The following GPC6 variants were observed in gnomAD, a reference collection of about 807,000 sequenced individuals.
The protein encoded by GPC6 is glypican 6.
Under a neutral mutation model 55.2 loss-of-function variants are expected in GPC6, and 14 were observed. That is an observed-to-expected ratio of 0.25 (90% CI 0.17 to 0.40). GPC6 has a LOEUF of 0.40. Ranked by LOEUF, GPC6 falls within the 10% of genes least tolerant of loss-of-function variation. The probability of loss-of-function intolerance (pLI) is 1.00; values close to 1 mark genes in which losing one functional copy is unlikely to be tolerated. For synonymous variants in GPC6, 278 were observed against 259.6 expected, an observed-to-expected ratio of 1.07 and a Z score of -0.68; for missense variants, 641 against 708.5, an observed-to-expected ratio of 0.90 and a Z score of 1.08.
intron 2 of GPC6, among the ~76,000 whole-genome samples, chr13:93,597,605 C>T (rs1877818980): frequency 6.6e-6 from 1 of 152,126 alleles, no homozygotes; most frequent in African/African-American, 2.4e-5. Context: ...ACCGCAAGAC[C>T]AACCCCCTCT....
intron 1 of GPC6, among the ~76,000 whole-genome samples, chr13:93,415,727 C>T (rs868357539): frequency 1.3e-5 from 2 of 152,066 alleles, no homozygotes; most frequent in African/African-American, 4.8e-5. Flanking sequence ...TTTTAATTTA[C>T]ATTTATTTGA....
intron 4 of GPC6, among the ~76,000 whole-genome samples, chr13:94,131,986 C>G (rs1887019464): frequency 6.6e-6 from 1 of 152,144 alleles, no homozygotes; most frequent in Non-Finnish European, 1.5e-5. Flanking sequence ...ACAGATTTCT[C>G]AGACACTTCA....
intron 3 of GPC6, among the ~76,000 whole-genome samples, chr13:93,971,394 A>G (rs1437893157): frequency 6.6e-6 from 1 of 152,214 alleles, no homozygotes; most frequent in East Asian, 1.9e-4. Flanking sequence ...TCCCTGAAAA[A>G]CCATAGTCTA....
intron 2 of GPC6, among the ~76,000 whole-genome samples, chr13:93,604,985 C>A (rs1244791578): frequency 6.6e-6 from 1 of 152,150 alleles, no homozygotes; most frequent in Admixed American, 6.5e-5. Flanking sequence ...TGAACCCTGG[C>A]TTTACTACCT....
chr13:94,293,507 G>A (rs1392682533), intron 5 of GPC6, among the ~76,000 whole-genome samples: 1 of 152,172 alleles, frequency 6.6e-6, no homozygotes, highest in Non-Finnish European at 1.5e-5. Flanking sequence ...GGAACTGTGA[G>A]TCAATTAAAC....
At chr13:93,496,050 A>G (rs1210116409) in intron 1 of GPC6, among the ~76,000 whole-genome samples, 3 of 151,942 alleles carry the variant, frequency 2.0e-5, no homozygotes, top group Non-Finnish European at 4.4e-5. Flanking sequence ...GGTGGGCTCC[A>G]CCCAGTTGGA....
chr13:94,232,470 GT>G (rs1890758694), intron 4 of GPC6, among the ~76,000 whole-genome samples: 1 of 150,962 alleles, frequency 6.6e-6, no homozygotes, highest in Admixed American at 6.6e-5. Flanking sequence ...TATACAACTT[GT>G]TTAAATAGAG....
intron 4 of GPC6, among the ~76,000 whole-genome samples, chr13:94,209,891 G>C (rs1271267058): frequency 2.6e-5 from 4 of 151,946 alleles, no homozygotes; most frequent in Non-Finnish European, 5.9e-5. Context: ...TGTCAACCAG[G>C]CTGGAATGCA....
At chr13:93,966,662 T>TTTC (rs1187600118) in intron 3 of GPC6, among the ~76,000 whole-genome samples, 1 of 147,248 alleles carries the variant, frequency 6.8e-6, no homozygotes, top group African/African-American at 2.5e-5. Context: ...TTTTTTTTTT[T>TTTC]TTTTTTTTGA....
chr13:93,899,149 A>G (rs1292693795), intron 3 of GPC6, among the ~76,000 whole-genome samples: 1 of 151,664 alleles, frequency 6.6e-6, no homozygotes, highest in Non-Finnish European at 1.5e-5. Flanking sequence ...TTATTCGGCC[A>G]TTTAATCATT....
At chr13:94,334,785 G>A (rs1877598915) in intron 6 of GPC6, among the ~76,000 whole-genome samples, 1 of 152,210 alleles carries the variant, frequency 6.6e-6, no homozygotes, top group Non-Finnish European at 1.5e-5. Context: ...ATGTTCTAGA[G>A]CCAGCCCTGG....
intron 1 of GPC6, among the ~76,000 whole-genome samples, chr13:93,413,211 T>G (rs1376746173): frequency 6.6e-6 from 1 of 152,204 alleles, no homozygotes; most frequent in African/African-American, 2.4e-5. Flanking sequence ...GTGTTTCTCT[T>G]TACACTTATG....
At chr13:93,459,224 A>ATTTTTT (rs1878590132) in intron 1 of GPC6, among the ~76,000 whole-genome samples, 1 of 152,124 alleles carries the variant, frequency 6.6e-6, no homozygotes, top group Non-Finnish European at 1.5e-5. Flanking sequence ...ACACCCAGCC[A>ATTTTTT]ATTTTATATT....
At chr13:94,137,974 A>G (rs1196661351) in intron 4 of GPC6, among the ~76,000 whole-genome samples, 2 of 152,224 alleles carry the variant, frequency 1.3e-5, no homozygotes, top group Non-Finnish European at 2.9e-5. Context: ...AAATACTTTC[A>G]TTTAAAAACA....
At chr13:93,732,625 G>A (rs1038959917) in intron 2 of GPC6, among the ~76,000 whole-genome samples, 2 of 152,050 alleles carry the variant, frequency 1.3e-5, no homozygotes, top group Non-Finnish European at 2.9e-5. Flanking sequence ...ACTTATTAAA[G>A]GCATAAGTAG....
chr13:93,290,558 C>T (rs72635689), intron 1 of GPC6, among the ~76,000 whole-genome samples: 2,482 of 152,162 alleles, frequency 0.016, 34 homozygotes, highest in Non-Finnish European at 0.026. Context: ...TTTGATGTAT[C>T]TGATTTTCAA....
chr13:93,998,328 T>C (rs1390023656), intron 3 of GPC6, among the ~76,000 whole-genome samples: 1 of 152,222 alleles, frequency 6.6e-6, no homozygotes, highest in African/African-American at 2.4e-5. Context: ...TTTTTATTAA[T>C]GGCCATCTTT....
intron 1 of GPC6, among the ~76,000 whole-genome samples, chr13:93,350,955 A>G (rs769904942): frequency 6.6e-6 from 1 of 152,142 alleles, no homozygotes; most frequent in African/African-American, 2.4e-5. Flanking sequence ...AAATTCACAG[A>G]GGCACAGGTA....
At chr13:93,932,238 G>T (rs1303691962) in intron 3 of GPC6, among the ~76,000 whole-genome samples, 3 of 152,064 alleles carry the variant, frequency 2.0e-5, no homozygotes, top group Non-Finnish European at 4.4e-5. Flanking sequence ...AATAAATTTT[G>T]TGCAGATGGA....
Sources: allele counts gnomAD v4.1 joint callset (sites outside exome capture counted in the v4.1 genomes callset), GRCh38; gene constraint gnomAD v4.1.1; transcripts MANE v1.5; gene names NCBI Gene and HGNC (gene_info 2026-07-23, HGNC 2026-07-21).